The following PLEKHG1 variants were observed in gnomAD, a reference collection of about 807,000 sequenced individuals.
PLEKHG1 encodes the protein pleckstrin homology and RhoGEF domain containing G1.
In PLEKHG1, 44 loss-of-function variants were observed where a neutral mutation model predicts 100.8. The ratio of observed to expected loss-of-function variants is 0.44; its 90% confidence interval spans 0.34 to 0.56. PLEKHG1 has a LOEUF of 0.56. Among genes scored for constraint, PLEKHG1 ranks in the 20% least tolerant of loss-of-function variants. The pLI is 0.01. For missense variants in PLEKHG1, 1,545 were observed against 1,720.9 expected (o/e 0.90, Z 1.81); for synonymous variants, 640 against 662.5 (o/e 0.97, Z 0.52).
At chr6:150,634,929 T>A (rs868571544) in intron 1 of PLEKHG1, among the ~76,000 whole-genome samples, 1 of 152,072 alleles carries the variant, frequency 6.6e-6, no homozygotes, top group African/African-American at 2.4e-5. Context: ...CCAAGAAGAG[T>A]TGGGAGCATT....
chr6:150,834,476 T>G (rs1777123216), intron 15 of PLEKHG1, among the ~76,000 whole-genome samples: 2 of 152,208 alleles, frequency 1.3e-5, no homozygotes, highest in South Asian at 4.1e-4. Context: ...AAAGTAGTAA[T>G]TCCCTGGGCC....
At chr6:150,798,494 A>G (rs1175526823) in intron 5 of PLEKHG1, among the ~76,000 whole-genome samples, 1 of 152,176 alleles carries the variant, frequency 6.6e-6, no homozygotes, top group Non-Finnish European at 1.5e-5. Context: ...GGAGAGGCAA[A>G]TCATTTGTGC....
At chr6:150,814,753 G>A (rs60645985) in intron 10 of PLEKHG1, among the ~76,000 whole-genome samples, 1,882 of 152,260 alleles carry the variant, frequency 0.012, 36 homozygotes, top group African/African-American at 0.04. Context: ...CTGTCACCCA[G>A]GCTGGAGTGC....
exon 10 of PLEKHG1, chr6:150,809,670 G>A (rs765761463): frequency 1.2e-5 from 20 of 1,613,854 alleles, no homozygotes; most frequent in South Asian, 6.6e-5. Context: ...CAAGACAAAC[G>A]CCTCTGGGTT....
At chr6:150,688,659 C>T (rs1370180526) in intron 3 of PLEKHG1, among the ~76,000 whole-genome samples, 3 of 152,130 alleles carry the variant, frequency 2.0e-5, no homozygotes, top group Non-Finnish European at 2.9e-5. Flanking sequence ...TCTCTCTTAT[C>T]TCATACTCTC....
At chr6:150,632,398 G>T (rs1051381230) in intron 1 of PLEKHG1, among the ~76,000 whole-genome samples, 1 of 152,192 alleles carries the variant, frequency 6.6e-6, no homozygotes, top group African/African-American at 2.4e-5. Flanking sequence ...TTTATCATCG[G>T]CCTTGGCCAA....
chr6:150,815,655 C>A (rs2128674469), intron 10 of PLEKHG1, among the ~76,000 whole-genome samples: 1 of 152,304 alleles, frequency 6.6e-6, no homozygotes, highest in African/African-American at 2.4e-5. Context: ...CATTTGTTTT[C>A]TCTAAGGTGA....
At chr6:150,626,918 A>G in intron 1 of PLEKHG1, among the ~76,000 whole-genome samples, 1 of 152,226 alleles carries the variant, frequency 6.6e-6, no homozygotes, top group East Asian at 1.9e-4. Context: ...GTGCTCAACC[A>G]TTAGTAAACT....
At chr6:150,806,868 G>A (rs1170599730) in intron 7 of PLEKHG1, among the ~76,000 whole-genome samples, 1 of 150,322 alleles carries the variant, frequency 6.7e-6, no homozygotes, top group African/African-American at 2.5e-5. Context: ...GAAAAATTCT[G>A]GAAATAAACA....
intron 1 of PLEKHG1, among the ~76,000 whole-genome samples, chr6:150,606,845 T>C (rs1482817863): frequency 1.3e-5 from 2 of 152,068 alleles, no homozygotes; most frequent in African/African-American, 4.8e-5. Flanking sequence ...CACATGGTGA[T>C]TGGGTCCTTC....
rs1443052364 is a variant in PLEKHG1 at position 150,619,152 on chromosome 6, ATGGCC to A, written c.-203-18927_-203-18923del. Among the ~76,000 whole-genome samples, 790 of 152,328 alleles carry A rather than the reference ATGGCC, an allele frequency of 5.2e-3. 12 individuals carry two copies. The highest frequency in any genetic ancestry group is 0.018 in the African/African-American group (753 of 41,570). On this transcript the variant is annotated intron_variant, in intron 1 of 3. Coordinates refer to the PLEKHG1 transcript ENST00000367326. Reference sequence around the variant, plus strand: ...GATCCTGGACAATTTGACTCAAATGATGGCCCTTTCTCAAAATTCAACGAGAGATC... The same window carrying A: ...GATCCTGGACAATTTGACTCAAATGACTTTCTCAAAATTCAACGAGAGATC...
intron 3 of PLEKHG1, among the ~76,000 whole-genome samples, chr6:150,781,784 T>C (rs1265727075): frequency 6.6e-6 from 1 of 151,672 alleles, no homozygotes; most frequent in Non-Finnish European, 1.5e-5. Flanking sequence ...TTTCTTTTTT[T>C]TTTTTGAGAT....
chr6:150,750,597 G>A (rs551986907), intron 2 of PLEKHG1, among the ~76,000 whole-genome samples: 30 of 151,660 alleles, frequency 2.0e-4, no homozygotes, highest in South Asian at 1.9e-3. Context: ...CGGCTAAAAC[G>A]GTGAAACCCC....
intron 14 of PLEKHG1, chr6:150,828,163 T>C: frequency 6.2e-7 from 1 of 1,613,784 alleles, no homozygotes; most frequent in Non-Finnish European, 8.5e-7. Flanking sequence ...CCCACGATAT[T>C]TGTTTACCTG....
At chr6:150,786,582 G>A (rs1379380178) in intron 4 of PLEKHG1, 123 bp downstream of exon 5, 2 of 649,520 alleles carry the variant, frequency 3.1e-6, no homozygotes, top group South Asian at 2.1e-5. Flanking sequence ...TCTTTCTCTG[G>A]TTTCTTTGTT....
chr6:150,832,341 A>G, intron 15 of PLEKHG1, 136 bp downstream of exon 16: 1 of 684,044 alleles, frequency 1.5e-6, no homozygotes, highest in South Asian at 2.0e-5. Context: ...AAGACCACAG[A>G]CAAAGCCATA....
At chr6:150,769,751 G>A (rs1784624589) in intron 3 of PLEKHG1, among the ~76,000 whole-genome samples, 1 of 152,126 alleles carries the variant, frequency 6.6e-6, no homozygotes, top group African/African-American at 2.4e-5. Flanking sequence ...ACTAACCCCT[G>A]TATGTCAAGT....
At chr6:150,780,822 T>A (rs989068402) in intron 3 of PLEKHG1, among the ~76,000 whole-genome samples, 4 of 152,104 alleles carry the variant, frequency 2.6e-5, no homozygotes. Context: ...CTGAAATAGA[T>A]GATTCTGATG....
At chr6:150,650,397 T>A in intron 2 of PLEKHG1, among the ~76,000 whole-genome samples, 1 of 152,244 alleles carries the variant, frequency 6.6e-6, no homozygotes, top group East Asian at 1.9e-4. Context: ...TTTACAGAGC[T>A]ATTGTATGTT....
Sources: gnomAD v4.1 joint callset for allele counts (sites outside exome capture counted in the v4.1 genomes callset) on GRCh38, gnomAD v4.1.1 for gene constraint, MANE v1.5 for transcripts, NCBI Gene and HGNC (gene_info 2026-07-23, HGNC 2026-07-21) for gene names.